LPIN1: variants seen among roughly 807,000 people sequenced by gnomAD.
The protein encoded by LPIN1 is phosphatidate phosphatase LPIN1.
Under a neutral mutation model 107.5 loss-of-function variants are expected in LPIN1, and 71 were observed. That is an observed-to-expected ratio of 0.66 (90% CI 0.55 to 0.80). LPIN1 has a LOEUF of 0.80. LPIN1 is among the 30% of genes least tolerant of loss of function. The pLI, the probability that LPIN1 is intolerant of heterozygous loss-of-function variation, is 0.00. For missense variants in LPIN1, 1,043 were observed against 1,160.6 expected (o/e 0.90, Z 1.47); for synonymous variants, 445 against 452.6 (o/e 0.98, Z 0.21).
At chr2:11,698,976 C>T (rs1200106810) in intron 1 of LPIN1, among the ~76,000 whole-genome samples, 1 of 152,176 alleles carries the variant, frequency 6.6e-6, no homozygotes, top group Non-Finnish European at 1.5e-5. Flanking sequence ...GGTCCGCTGG[C>T]CGTATGCAGC....
At chr2:11,806,446 G>A (rs1243116141) in intron 17 of LPIN1, among the ~76,000 whole-genome samples, 5 of 152,124 alleles carry the variant, frequency 3.3e-5, no homozygotes, top group African/African-American at 1.2e-4. Context: ...GGGATTAAAA[G>A]CTTCAGATTT....
upstream of LPIN1, among the ~76,000 whole-genome samples, chr2:11,744,168 G>GAGCAAGAT (rs1205073745): frequency 6.6e-6 from 1 of 152,236 alleles, no homozygotes; most frequent in Non-Finnish European, 1.5e-5. Flanking sequence ...CAGTCAGCTA[G>GAGCAAGAT]AGCAAGATTA....
chr2:11,771,249 C>G lies in LPIN1; in HGVS notation c.289-123C>G. 1 of 902,262 alleles carries G rather than the reference C, an allele frequency of 1.1e-6. No individual in the cohort carries two copies. The highest frequency in any genetic ancestry group is 1.8e-6 in the Non-Finnish European group (1 of 559,550). 55.9% of individuals were successfully genotyped at this position (902,262 alleles called of 1,614,324 possible). ...TGGCTGTGGCCTCTAGCTGGGCCAT[C>G]TGCTGTGGCCCTCCCCAGGAGGTGC... On this transcript the variant is annotated intron_variant, in intron 3 of 20. Transcript: ENST00000674199. The surrounding 1 kb of genome is among the most constrained non-coding windows in gnomAD (Gnocchi z 4.8).
intron 1 of LPIN1, among the ~76,000 whole-genome samples, chr2:11,728,730 T>C (rs1664907010): frequency 1.3e-5 from 2 of 152,206 alleles, no homozygotes; most frequent in Admixed American, 1.3e-4. Context: ...TTTTTTTCCC[T>C]TCACTTGGGT....
At chr2:11,693,768 A>ATG (rs1421023853) in intron 1 of LPIN1, among the ~76,000 whole-genome samples, 2 of 123,900 alleles carry the variant, frequency 1.6e-5, no homozygotes, top group Non-Finnish European at 3.3e-5. Context: ...CAAGAGCCAT[A>ATG]TATGTGTGTG....
chr2:11,713,417 C>T (rs1041159598), intron 1 of LPIN1, among the ~76,000 whole-genome samples: 1 of 152,164 alleles, frequency 6.6e-6, no homozygotes, highest in African/African-American at 2.4e-5. Context: ...ATTATAGCTG[C>T]CCAGCACCAT....
In LPIN1 at chr2:11,802,914, C is replaced by A. The variant is rs1241797572; in HGVS notation, c.1894C>A (p.His632Asn). The A allele has an allele frequency of 2.5e-6, 4 of 1,613,180 alleles. No homozygotes were observed. Among genetic ancestry groups the A allele is most frequent in the Non-Finnish European group, 3.4e-6 (4 of 1,180,044 alleles). ...PQLSLATRVKHESSSSDEERA... is the reference protein window; with the variant it reads ...PQLSLATRVKNESSSSDEERA... Reference sequence around the variant, plus strand: ...CATCACTGTGTGTTCCAGGGTAAAGCATGAATCATCCTCCAGTGATGAGGA... The same window carrying A: ...CATCACTGTGTGTTCCAGGGTAAAGAATGAATCATCCTCCAGTGATGAGGA... The change falls in exon 15 of 21, where the codon CAT becomes AAT. Residue 632 changes from histidine (H) to asparagine (N), a missense_variant. Physicochemically the swap from His to Asn is moderately conservative, Grantham distance 68. Transcript: ENST00000674199.
At chr2:11,689,408 G>A (rs1312604153) in intron 1 of LPIN1, among the ~76,000 whole-genome samples, 2 of 152,184 alleles carry the variant, frequency 1.3e-5, no homozygotes, top group African/African-American at 4.8e-5. Context: ...ACCTGACGAG[G>A]TCCTTTCAGA....
At chr2:11,678,361 C>T (rs908380649) in intron 1 of LPIN1, among the ~76,000 whole-genome samples, 5 of 152,296 alleles carry the variant, frequency 3.3e-5, no homozygotes, top group Admixed American at 6.5e-5. Flanking sequence ...CAGTGAGTCC[C>T]GAGGGTAGGG....
rs1362084432 is a variant in LPIN1 at position 11,765,469 on chromosome 2, T to A, written c.-9-64T>A. Reference sequence around the variant, plus strand: ...GTTTTTGAAATGGTGAGGAGTTCATTTTGATTGGCTCTTCCTTGGATTAAT... The same window carrying A: ...GTTTTTGAAATGGTGAGGAGTTCATATTGATTGGCTCTTCCTTGGATTAAT... On this transcript the variant is annotated intron_variant, in intron 1 of 20. Coordinates refer to ENST00000674199, the MANE Select transcript of LPIN1 (RefSeq NM_001349206.2). The surrounding 1 kb of genome is among the most constrained non-coding windows in gnomAD (Gnocchi z 4.4). The A allele has an allele frequency of 2.0e-6, 3 of 1,494,048 alleles. No individual in the cohort carries two copies. Among genetic ancestry groups the A allele is most frequent in the African/African-American group, 1.4e-5 (1 of 72,070 alleles). The allele number at this position is 1,494,048 out of a possible 1,614,324, so 92.5% of individuals were successfully genotyped here. A position where few individuals can be genotyped will look rare whatever the true frequency, so the allele number is the denominator to read the frequency against.
intron 1 of LPIN1, among the ~76,000 whole-genome samples, chr2:11,753,111 G>C (rs529025233): frequency 1.3e-5 from 2 of 152,250 alleles, no homozygotes; most frequent in South Asian, 4.1e-4. Flanking sequence ...GATGAGCAGG[G>C]TGGGGGTGTG....
At chr2:11,763,891 G>A (rs1670263818) in intron 1 of LPIN1, among the ~76,000 whole-genome samples, 1 of 151,154 alleles carries the variant, frequency 6.6e-6, no homozygotes, top group Non-Finnish European at 1.5e-5. Context: ...CTCCTCTGAT[G>A]CACCTTCTTT....
intron 20 of LPIN1, 120 bp from the exon 21 acceptor site, chr2:11,824,507 TGAGTC>T: frequency 1.2e-6 from 1 of 848,988 alleles, no homozygotes; most frequent in Non-Finnish European, 2.0e-6. Flanking sequence ...TAGAATGACT[TGAGTC>T]GTGTCGATAA....
In LPIN1 at chr2:11,746,645, A is replaced by G. The variant is rs1053485708; in HGVS notation, c.-36A>G. The stretch of plus-strand genomic sequence containing the variant: ...GCGGCGGGCTGGGTGTTTGCAATAC[A>G]AAGGCGGCCACGCGCGGCGCCGCTC... On this transcript the variant is annotated 5_prime_UTR_variant, in exon 1 of 21. Coordinates refer to ENST00000674199, the MANE Select transcript of LPIN1 (RefSeq NM_001349206.2). 1 of 985,276 alleles carries G rather than the reference A, an allele frequency of 1.0e-6. No homozygotes were observed. The highest frequency in any genetic ancestry group is 1.2e-6 in the Non-Finnish European group (1 of 829,878). 61.0% of individuals were successfully genotyped at this position (985,276 alleles called of 1,614,324 possible).
intron 16 of LPIN1, 48 bp downstream of exon 16, chr2:11,804,619 G>T (rs746633415): frequency 1.3e-6 from 2 of 1,592,850 alleles, no homozygotes; most frequent in Non-Finnish European, 1.7e-6. Context: ...TTGCTTCACC[G>T]TGGGGGTCTC....
intron 9 of LPIN1, 153 bp downstream of exon 9, chr2:11,784,075 T>G: frequency 7.7e-7 from 1 of 1,295,786 alleles, no homozygotes; most frequent in South Asian, 1.3e-5. Flanking sequence ...GAGGCTGAGG[T>G]GGGCGGATCA....
intron 1 of LPIN1, among the ~76,000 whole-genome samples, chr2:11,726,200 A>G (rs760273295): frequency 6.6e-6 from 1 of 152,184 alleles, no homozygotes; most frequent in Non-Finnish European, 1.5e-5. Flanking sequence ...AGCCAGATTC[A>G]TTTAATAAAA....
At position 11,771,719 on chromosome 2, in the gene LPIN1, G is replaced by C. The variant is rs1252404627; in HGVS notation, c.596+40G>C. Reference sequence around the variant, plus strand: ...GGGTGGAGGGGCTGTGCCAGAATCAGACAGTTAACTGTTCAAGATTATTTT... The same window carrying C: ...GGGTGGAGGGGCTGTGCCAGAATCACACAGTTAACTGTTCAAGATTATTTT... On this transcript the variant is annotated intron_variant, in intron 4 of 20. Coordinates refer to ENST00000674199, the MANE Select transcript of LPIN1 (RefSeq NM_001349206.2). The surrounding 1 kb of genome is among the most constrained non-coding windows in gnomAD (Gnocchi z 4.8). The C allele has an allele frequency of 2.0e-6, 3 of 1,521,260 alleles. No individual in the cohort carries two copies. In the South Asian group the frequency reaches 3.6e-5, roughly 18 times the overall value. 94.2% of individuals were successfully genotyped at this position (1,521,260 alleles called of 1,614,324 possible).
intron 1 of LPIN1, among the ~76,000 whole-genome samples, chr2:11,698,376 G>C (rs901241563): frequency 1.3e-5 from 2 of 152,154 alleles, no homozygotes; most frequent in South Asian, 2.1e-4. Context: ...TAGAGTCAAG[G>C]CTTCTGTGAC....
Sources: allele counts gnomAD v4.1 joint callset (sites outside exome capture counted in the v4.1 genomes callset), GRCh38; gene constraint gnomAD v4.1.1; non-coding constraint Gnocchi (gnomAD v3.1); transcripts MANE v1.5; gene names NCBI Gene and HGNC (gene_info 2026-07-23, HGNC 2026-07-21).